The following CAST variants were observed in gnomAD, a reference collection of about 807,000 sequenced individuals.
The protein encoded by CAST is MIR583 host.
A neutral mutation model predicts 119.6 loss-of-function variants in CAST; 76 were observed. The ratio of observed to expected loss-of-function variants is 0.64; its 90% confidence interval spans 0.53 to 0.77. The LOEUF (loss-of-function observed/expected upper bound fraction) is 0.77. CAST is among the 30% of genes least tolerant of loss of function. CAST has a pLI of 0.00. For missense variants in CAST, 953 were observed against 946.5 expected (o/e 1.01, Z -0.09); for synonymous variants, 319 against 331.6 (o/e 0.96, Z 0.41).
chr5:96,339,830 C>T, the CAST span, among the ~76,000 whole-genome samples: 1 of 152,132 alleles, frequency 6.6e-6, no homozygotes, highest in Non-Finnish European at 1.5e-5. Context: ...GCAGAGAACA[C>T]AGTAAACCTA....
At chr5:96,736,764 T>C (rs1259122008) in intron 10 of CAST, among the ~76,000 whole-genome samples, 2 of 152,202 alleles carry the variant, frequency 1.3e-5, no homozygotes, top group African/African-American at 4.8e-5. Flanking sequence ...CTCCTTTCAA[T>C]GCAGGTTATT....
In CAST at chr5:96,618,888, C is replaced by T. The variant is rs59792166; in HGVS notation, c.61-56651C>T. 9.7e-3 allele frequency among the ~76,000 whole-genome samples: 1,481 copies of T among 152,334 alleles called. 27 individuals are homozygous for T. The highest frequency in any genetic ancestry group is 0.033 in the African/African-American group (1,375 of 41,586). On this transcript the variant is annotated intron_variant, in intron 1 of 11. Coordinates refer to the CAST transcript ENST00000505143. ...TGGCAGGCAGCTCTGCCCGCAGCCCCGGCACAGGATCCACTAGGTGAAGCC... is the reference window on the plus strand; with the variant it reads ...TGGCAGGCAGCTCTGCCCGCAGCCCTGGCACAGGATCCACTAGGTGAAGCC...
chr5:96,684,746 T>A (rs1751864878), intron 2 of CAST, among the ~76,000 whole-genome samples: 1 of 151,952 alleles, frequency 6.6e-6, no homozygotes, highest in Admixed American at 6.6e-5. Context: ...TAAAAAATAT[T>A]TTTAGTAGAG....
intron 1 of CAST, among the ~76,000 whole-genome samples, chr5:96,664,120 A>T (rs1298196424): frequency 6.6e-6 from 1 of 152,182 alleles, no homozygotes; most frequent in Non-Finnish European, 1.5e-5. Flanking sequence ...GCTACCCTGT[A>T]TAAGAATCAA....
the CAST span, among the ~76,000 whole-genome samples, chr5:96,101,035 G>C: frequency 6.6e-6 from 1 of 151,992 alleles, no homozygotes; most frequent in East Asian, 1.9e-4. Context: ...CAGTTCTTCT[G>C]CCTCAGCCAT....
the CAST span, among the ~76,000 whole-genome samples, chr5:96,070,639 A>T: frequency 6.7e-6 from 1 of 149,114 alleles, no homozygotes; most frequent in Admixed American, 6.7e-5. Context: ...TGTGGGACAG[A>T]AAGACAAAAT....
intron 3 of CAST, among the ~76,000 whole-genome samples, chr5:96,721,448 G>A (rs985790295): frequency 3.3e-5 from 5 of 152,072 alleles, no homozygotes; most frequent in Admixed American, 3.3e-4. Flanking sequence ...GTAGTGTATT[G>A]GGGGTGGGGG....
the CAST span, among the ~76,000 whole-genome samples, chr5:96,051,771 G>T: frequency 3.9e-5 from 6 of 152,110 alleles, no homozygotes; most frequent in Non-Finnish European, 7.4e-5. Flanking sequence ...GTTCTTAGTA[G>T]TCCCAAACCG....
chr5:96,398,102 A>G, the CAST span, among the ~76,000 whole-genome samples: 2 of 152,196 alleles, frequency 1.3e-5, no homozygotes, highest in African/African-American at 4.8e-5. Flanking sequence ...CAGGTCTATC[A>G]ATTAAAAAAG....
At chr5:96,567,777 G>A (rs1337208560) in intron 1 of CAST, among the ~76,000 whole-genome samples, 1 of 152,130 alleles carries the variant, frequency 6.6e-6, no homozygotes, top group East Asian at 1.9e-4. Context: ...GAGATATAAA[G>A]ACCCATAAGG....
At chr5:96,424,279 G>A in the CAST span, among the ~76,000 whole-genome samples, 1 of 152,168 alleles carries the variant, frequency 6.6e-6, no homozygotes, top group East Asian at 1.9e-4. Context: ...AGGTTGGGGG[G>A]TGGGGTGACA....
At chr5:96,662,536 T>G in intron 1 of CAST, 39 bp downstream of exon 1, 2 of 1,341,138 alleles carry the variant, frequency 1.5e-6, no homozygotes, top group Non-Finnish European at 9.5e-7. Context: ...GGCTGGGCGA[T>G]GGGGTACCGG....
At chr5:96,132,652 G>A in the CAST span, among the ~76,000 whole-genome samples, 14 of 152,228 alleles carry the variant, frequency 9.2e-5, no homozygotes, top group Non-Finnish European at 1.8e-4. Flanking sequence ...GACAATGTGT[G>A]ATAAGGAATG....
intron 1 of CAST, among the ~76,000 whole-genome samples, chr5:96,548,923 C>A (rs765767354): frequency 1.3e-5 from 2 of 152,138 alleles, no homozygotes; most frequent in Non-Finnish European, 2.9e-5. Flanking sequence ...GAGAGCAGGG[C>A]AAGGAAGCAA....
At chr5:96,658,023 C>G (rs1263830133), upstream of CAST, among the ~76,000 whole-genome samples, 12 of 152,012 alleles carry the variant, frequency 7.9e-5, no homozygotes, top group Non-Finnish European at 1.5e-5. Context: ...CACTTGAACC[C>G]AGGAGGTGGA....
chr5:96,167,858 C>T, the CAST span, among the ~76,000 whole-genome samples: 1 of 152,160 alleles, frequency 6.6e-6, no homozygotes, highest in South Asian at 2.1e-4. Context: ...CTGGGCGGGG[C>T]CAAATGCCCG....
At chr5:96,004,981 C>T in the CAST span, among the ~76,000 whole-genome samples, 1 of 152,064 alleles carries the variant, frequency 6.6e-6, no homozygotes, top group Admixed American at 6.6e-5. Context: ...GAGGACATTG[C>T]AACAGAAATA....
At chr5:96,683,955 T>G (rs1751748847) in intron 2 of CAST, among the ~76,000 whole-genome samples, 1 of 152,224 alleles carries the variant, frequency 6.6e-6, no homozygotes, top group Non-Finnish European at 1.5e-5. Flanking sequence ...AGCATCTTCT[T>G]TCTCATCTGT....
chr5:96,359,853 G>C, the CAST span, among the ~76,000 whole-genome samples: 1 of 152,110 alleles, frequency 6.6e-6, no homozygotes, highest in African/African-American at 2.4e-5. Context: ...GGCGTTCTCT[G>C]TATTTTCTGA....
Sources: gnomAD v4.1 joint callset for allele counts (sites outside exome capture counted in the v4.1 genomes callset) on GRCh38, gnomAD v4.1.1 for gene constraint, MANE v1.5 for transcripts, NCBI Gene and HGNC (gene_info 2026-07-23, HGNC 2026-07-21) for gene names.